DLGAP2: variants seen among roughly 807,000 people sequenced by gnomAD.
DLGAP2 encodes the protein DLG associated protein 2.
Under a neutral mutation model 100.3 loss-of-function variants are expected in DLGAP2, and 26 were observed. That is an observed-to-expected ratio of 0.26 (90% confidence interval 0.19 to 0.36). The LOEUF is 0.36. Ranked by LOEUF, DLGAP2 falls within the 10% of genes least tolerant of loss-of-function variation. DLGAP2 has a pLI of 1.00. For synonymous variants in DLGAP2, 886 were observed against 630.1 expected, an observed-to-expected ratio of 1.41 and a Z score of -6.08; for missense variants, 1,858 against 1,453.2, an observed-to-expected ratio of 1.28 and a Z score of -4.53.
intron 1 of DLGAP2, among the ~76,000 whole-genome samples, chr8:790,016 C>T (rs1325678760): frequency 2.6e-5 from 4 of 152,188 alleles, no homozygotes; most frequent in East Asian, 1.9e-4. Flanking sequence ...GTAATTCAGT[C>T]ATGGGACGGA....
intron 2 of DLGAP2, among the ~76,000 whole-genome samples, chr8:1,123,463 C>T (rs1456323325): frequency 3.3e-5 from 5 of 152,140 alleles, no homozygotes; most frequent in African/African-American, 1.2e-4. Flanking sequence ...AAGGAGGTTC[C>T]TCATAGTATT....
intron 2 of DLGAP2, among the ~76,000 whole-genome samples, chr8:1,074,245 C>G (rs79039243): frequency 6.7e-6 from 1 of 149,288 alleles, no homozygotes; most frequent in East Asian, 2.1e-4. Context: ...TTCACTGTAA[C>G]AGAAGGGTTT....
chr8:1,275,049 C>A (rs968395437), intron 3 of DLGAP2, among the ~76,000 whole-genome samples: 2 of 152,072 alleles, frequency 1.3e-5, no homozygotes, highest in Non-Finnish European at 2.9e-5. Context: ...CAGACAGAGC[C>A]CACATTGGTG....
chr8:1,579,258 T>C (rs893678245), intron 6 of DLGAP2, among the ~76,000 whole-genome samples: 2 of 152,148 alleles, frequency 1.3e-5, no homozygotes, highest in African/African-American at 2.4e-5. Context: ...CTTCATATCA[T>C]ATGTAAAGAT....
chr8:1,221,608 G>A (rs1039829656), intron 2 of DLGAP2, among the ~76,000 whole-genome samples: 3 of 152,024 alleles, frequency 2.0e-5, no homozygotes, highest in African/African-American at 4.8e-5. Context: ...TCTCTCAGGG[G>A]TTCTCTGAAT....
intron 2 of DLGAP2, among the ~76,000 whole-genome samples, chr8:986,092 TA>T (rs573922445): frequency 3.9e-5 from 6 of 152,168 alleles, no homozygotes; most frequent in African/African-American, 9.6e-5. Context: ...TCCACGTTAT[TA>T]GGGGGGAGTA....
intron 2 of DLGAP2, among the ~76,000 whole-genome samples, chr8:1,011,250 G>T (rs1325989088): frequency 6.6e-6 from 1 of 150,820 alleles, no homozygotes; most frequent in Admixed American, 6.6e-5. Flanking sequence ...TACACAGTGA[G>T]CCCTAGAATG....
At chr8:1,227,748 G>A (rs557168236) in intron 2 of DLGAP2, among the ~76,000 whole-genome samples, 1 of 152,286 alleles carries the variant, frequency 6.6e-6, no homozygotes, top group Non-Finnish European at 1.5e-5. Flanking sequence ...CAGGGATGGG[G>A]TAGAGAGAGG....
chr8:1,247,103 C>A (rs1387729637), intron 2 of DLGAP2: 5 of 204,148 alleles, frequency 2.4e-5, no homozygotes, highest in Non-Finnish European at 2.9e-5. Context: ...GCCGGCAAGA[C>A]CTTTGAGATC....
chr8:1,002,018 T>A (rs1040196661), intron 2 of DLGAP2: 4 of 152,258 alleles, frequency 2.6e-5, no homozygotes, highest in African/African-American at 7.2e-5. Context: ...TACGGGCACT[T>A]AGCATATTCT....
chr8:1,136,950 T>C (rs1796427379), intron 2 of DLGAP2, among the ~76,000 whole-genome samples: 1 of 152,214 alleles, frequency 6.6e-6, no homozygotes, highest in Non-Finnish European at 1.5e-5. Flanking sequence ...TTGTGTGTAG[T>C]ATGTCTGAAA....
chr8:1,017,001 C>T (rs796928333), intron 2 of DLGAP2, among the ~76,000 whole-genome samples: 206 of 1,664 alleles, frequency 0.12, 21 homozygotes, highest in Non-Finnish European at 0.3. Flanking sequence ...GGACAGACGG[C>T]GCCTCCACTG....
rs547182813 is a variant in DLGAP2, at chr8:1,007,805, A to G, written c.73+99839A>G. Among the ~76,000 whole-genome samples the G allele has an allele frequency of 5.3e-4, 80 of 152,332 alleles. No individual in the cohort carries two copies. In the Middle Eastern group the frequency reaches 0.01, roughly 19 times the overall value. ...TGTGAAATTCATTCTGATTTTAAGG[A>G]CAATGCTTTTGGTTAATTTGTGCCC... On this transcript the variant is annotated intron_variant, in intron 2 of 14. Transcript: ENST00000637795.
At chr8:1,544,682 G>A (rs529653453) in intron 4 of DLGAP2, among the ~76,000 whole-genome samples, 1 of 151,470 alleles carries the variant, frequency 6.6e-6, no homozygotes, top group African/African-American at 2.4e-5. Flanking sequence ...CATAGTCACT[G>A]TATATAATTC....
At chr8:758,349 C>G (rs954686906) in intron 1 of DLGAP2, among the ~76,000 whole-genome samples, 2 of 152,090 alleles carry the variant, frequency 1.3e-5, no homozygotes, top group Non-Finnish European at 2.9e-5. Flanking sequence ...CCTCGTTTCC[C>G]TGTTATTGCT....
chr8:918,783 A>G (rs1341630053), intron 2 of DLGAP2, among the ~76,000 whole-genome samples: 5 of 152,374 alleles, frequency 3.3e-5, no homozygotes, highest in African/African-American at 1.2e-4. Flanking sequence ...TATACGGGTA[A>G]GACAAACTAG....
At chr8:1,225,227 A>G (rs1468593950) in intron 2 of DLGAP2, among the ~76,000 whole-genome samples, 5 of 152,346 alleles carry the variant, frequency 3.3e-5, no homozygotes, top group South Asian at 2.1e-4. Context: ...TGTACAGACA[A>G]CGGAACATTT....
In DLGAP2 at chr8:1,345,401, C is replaced by T. The variant is rs182205484; in HGVS notation, c.106+86518C>T. On this transcript the variant is annotated intron_variant, in intron 3 of 14. Coordinates refer to ENST00000637795, the MANE Select transcript of DLGAP2 (RefSeq NM_001346810.2). ...TAAGTACACTGCATGTAGTTTCCCC[C>T]ATTTTGCCCGAGTTGCCAAATCTAA... 2.6e-5 allele frequency among the ~76,000 whole-genome samples: 4 copies of T among 152,336 alleles called. No individual in the cohort carries two copies. The East Asian group carries it at 7.7e-4, about 29-fold the overall frequency.
In DLGAP2 at chr8:1,191,676, A is replaced by G. The variant is rs538586767; in HGVS notation, c.74-67175A>G. ...ACAAAGCTTCAAAACATTAGAAATC[A>G]AGAAGGAACTTGAGCTCATTGCAAC... is the stretch of plus-strand genomic sequence containing the variant. On this transcript the variant is annotated intron_variant, in intron 2 of 14. Transcript: ENST00000637795. Among the ~76,000 whole-genome samples, 5 of 152,336 alleles carry G rather than the reference A, an allele frequency of 3.3e-5. No individual in the cohort carries two copies. The South Asian group carries it at 1.0e-3, about 32-fold the overall frequency.
Sources: gnomAD v4.1 joint callset for allele counts (sites outside exome capture counted in the v4.1 genomes callset) on GRCh38, gnomAD v4.1.1 for gene constraint, MANE v1.5 for transcripts, NCBI Gene and HGNC (gene_info 2026-07-23, HGNC 2026-07-21) for gene names.